The following ASIC2 variants were observed in gnomAD, a reference collection of about 807,000 sequenced individuals.
ASIC2 encodes acid sensing ion channel subunit 2, also known as acid-sensing ion channel 2.
ASIC2 carries 25 observed loss-of-function variants against 57.3 expected under a neutral mutation model. That is an observed-to-expected ratio of 0.44 (90% CI 0.32 to 0.61). ASIC2 has a LOEUF of 0.61. ASIC2 is among the 20% of genes least tolerant of loss of function. The probability of loss-of-function intolerance (pLI) is 0.06; values close to 1 mark genes in which losing one functional copy is unlikely to be tolerated. For missense variants in ASIC2, 641 were observed against 738.1 expected (o/e 0.87, Z 1.52); for synonymous variants, 319 against 307.5 (o/e 1.04, Z -0.39).
chr17:34,151,968 G>T (rs887112025), intron 1 of ASIC2, among the ~76,000 whole-genome samples: 6 of 152,108 alleles, frequency 3.9e-5, no homozygotes, highest in Non-Finnish European at 8.8e-5. Flanking sequence ...TTCCAACTCA[G>T]ATTTCTCCCT....
intron 1 of ASIC2, among the ~76,000 whole-genome samples, chr17:33,846,531 T>C (rs1344265180): frequency 2.0e-5 from 3 of 152,014 alleles, no homozygotes; most frequent in Non-Finnish European, 4.4e-5. Context: ...ATTAAGCAGG[T>C]AAATTAAAGA....
chr17:33,436,431 T>A lies in ASIC2; in HGVS notation c.556-324364A>T, dbSNP rs550118611. Reference sequence around the variant, plus strand: ...AGAACTGAAGATTGGTCATTTGAGATGTTTTTCAGACTTTTGCATTCTGGC... The same window carrying A: ...AGAACTGAAGATTGGTCATTTGAGAAGTTTTTCAGACTTTTGCATTCTGGC... On this transcript the variant is annotated intron_variant, in intron 1 of 9. Transcript: ENST00000359872. Among the ~76,000 whole-genome samples the A allele has an allele frequency of 1.9e-3, 285 of 152,346 alleles. 4 individuals are homozygous for A. Among genetic ancestry groups the A allele is most frequent in the Non-Finnish European group, 2.9e-3 (194 of 68,038 alleles).
Position 33,025,864 on chromosome 17 carries a change from T to C in ASIC2, c.1195+62A>G, listed in dbSNP as rs375771776. On this transcript the variant is annotated intron_variant, in intron 5 of 9. Transcript: ENST00000225823. ...TGATCTTTCCCCAAACCCAGATGAT[T>C]TCCATGATCTCAGTCTCAGGCCCCC... is the stretch of plus-strand genomic sequence containing the variant. The C allele has an allele frequency of 4.9e-5, 72 of 1,468,318 alleles. No individual in the cohort carries two copies. In the African/African-American group the frequency reaches 7.7e-4, roughly 16 times the overall value. 91.0% of individuals were successfully genotyped at this position (1,468,318 alleles called of 1,614,324 possible). A position where few individuals can be genotyped will look rare whatever the true frequency, so the allele number is the denominator to read the frequency against.
intron 1 of ASIC2, among the ~76,000 whole-genome samples, chr17:33,571,287 G>A (rs562836137): frequency 3.3e-5 from 5 of 152,198 alleles, no homozygotes; most frequent in African/African-American, 9.6e-5. Flanking sequence ...TCATCCTGTC[G>A]CATATTTTTC....
rs374661365 is a variant in ASIC2, at chr17:33,150,873, T to A, written c.709-38806A>T. On this transcript the variant is annotated intron_variant, in intron 1 of 9. Transcript: ENST00000225823. ...TCAAAAAAAAAAAAAAAAAAAAAAA[T>A]ACAAAAATTAGCTGGGTGTGGTGTC... Among the ~76,000 whole-genome samples the A allele has an allele frequency of 7.3e-3, 570 of 78,284 alleles. 3 individuals carry two copies. Among genetic ancestry groups the A allele is most frequent in the Non-Finnish European group, 9.2e-3 (344 of 37,324 alleles). The allele number at this position is 78,284 out of a possible 152,430, so 51.4% of individuals were successfully genotyped here. A position where few individuals can be genotyped will look rare whatever the true frequency, so the allele number is the denominator to read the frequency against.
Position 33,579,515 on chromosome 17 carries a change from T to C in ASIC2, c.556-467448A>G, listed in dbSNP as rs1447585329. On this transcript the variant is annotated intron_variant, in intron 1 of 9. Coordinates refer to the ASIC2 transcript ENST00000359872. ...CCTTACTGTGCCCAGAATTGTCTCC[T>C]CCTGGTGGGTTCTCGGTCTCCCTGC... Among the ~76,000 whole-genome samples the C allele has an allele frequency of 2.0e-5, 3 of 152,110 alleles. No individual in the cohort carries two copies. In the East Asian group the frequency reaches 5.8e-4, roughly 29 times the overall value.
intron 1 of ASIC2, among the ~76,000 whole-genome samples, chr17:33,146,148 T>C (rs1441784593): frequency 6.6e-6 from 1 of 152,092 alleles, no homozygotes; most frequent in East Asian, 1.9e-4. Context: ...AAGCTCAACT[T>C]CCCGCCTCCT....
intron 1 of ASIC2, among the ~76,000 whole-genome samples, chr17:33,250,598 A>G (rs1908848139): frequency 6.6e-6 from 1 of 152,224 alleles, no homozygotes; most frequent in Admixed American, 6.5e-5. Flanking sequence ...TATTAATTCA[A>G]TTTGTAAGAT....
intron 1 of ASIC2, among the ~76,000 whole-genome samples, chr17:33,716,428 G>A (rs1285645728): frequency 6.6e-6 from 1 of 152,204 alleles, no homozygotes; most frequent in Non-Finnish European, 1.5e-5. Context: ...CAATGGAGAG[G>A]ACATCTTGCT....
intron 1 of ASIC2, among the ~76,000 whole-genome samples, chr17:33,615,070 A>T (rs188930263): frequency 6.6e-4 from 100 of 152,264 alleles, no homozygotes; most frequent in African/African-American, 2.4e-3. Flanking sequence ...TCTTGTATGG[A>T]TGTACCATTA....
At position 33,779,612 on chromosome 17, in the gene ASIC2, G is replaced by A. The variant is rs1232784283; in HGVS notation, c.555+376366C>T. Among the ~76,000 whole-genome samples, 6 of 152,172 alleles carry A rather than the reference G, an allele frequency of 3.9e-5. No individual in the cohort carries two copies. The East Asian group carries it at 1.2e-3, about 29-fold the overall frequency. ...TCTCTCCGGGATCCTTGGGCTGGGG[G>A]TTGTGGGGAAAGTGTGGGAGAAATA... On this transcript the variant is annotated intron_variant, in intron 1 of 9. Transcript: ENST00000359872.
intron 1 of ASIC2, chr17:33,692,622 A>G (rs1453873454): frequency 6.6e-6 from 1 of 152,230 alleles, no homozygotes; most frequent in Admixed American, 6.5e-5. Flanking sequence ...GGTACTTACC[A>G]TGAATCGGAG....
At chr17:33,021,397 G>T in intron 6 of ASIC2, 87 bp from the exon 7 acceptor site, 1 of 1,103,666 alleles carries the variant, frequency 9.1e-7, no homozygotes, top group Non-Finnish European at 1.3e-6. Flanking sequence ...ATGGAAAGAT[G>T]GAGAAAAGGA....
chr17:34,089,126 C>A (rs536287039), intron 1 of ASIC2, among the ~76,000 whole-genome samples: 2 of 152,322 alleles, frequency 1.3e-5, no homozygotes, highest in East Asian at 3.9e-4. Context: ...CTGTCTTCTG[C>A]GTCGTTCATG....
At chr17:33,993,130 G>A (rs117066493) in intron 1 of ASIC2, among the ~76,000 whole-genome samples, 2 of 152,266 alleles carry the variant, frequency 1.3e-5, no homozygotes, top group East Asian at 3.9e-4. Context: ...ATAACACCCA[G>A]CCTCAGTGCT....
chr17:34,005,365 C>A (rs937890904), intron 1 of ASIC2: 1 of 152,030 alleles, frequency 6.6e-6, no homozygotes, highest in African/African-American at 2.4e-5. Context: ...TCAAACTTTT[C>A]TACAGTGAGT....
intron 1 of ASIC2, among the ~76,000 whole-genome samples, chr17:33,952,677 A>C (rs1904614511): frequency 1.3e-5 from 2 of 152,184 alleles, no homozygotes; most frequent in African/African-American, 4.8e-5. Flanking sequence ...GCTTTTAAAA[A>C]ATTGCTGATC....
At chr17:33,920,078 T>G (rs577868425) in intron 1 of ASIC2, among the ~76,000 whole-genome samples, 2 of 152,234 alleles carry the variant, frequency 1.3e-5, no homozygotes, top group Admixed American at 1.3e-4. Flanking sequence ...GGTGGGAATA[T>G]AAATTCGTTC....
chr17:33,964,079 C>T (rs2141993920), intron 1 of ASIC2, among the ~76,000 whole-genome samples: 1 of 152,302 alleles, frequency 6.6e-6, no homozygotes, highest in East Asian at 1.9e-4. Flanking sequence ...CTCATGGCAG[C>T]CATCACTAAT....
Sources: gnomAD v4.1 joint callset for allele counts (sites outside exome capture counted in the v4.1 genomes callset) on GRCh38, gnomAD v4.1.1 for gene constraint, MANE v1.5 for transcripts, NCBI Gene and HGNC (gene_info 2026-07-23, HGNC 2026-07-21) for gene names.